PARD3: variants seen among roughly 807,000 people sequenced by gnomAD.
PARD3 encodes the protein par-3 family cell polarity regulator, also known as partitioning defective 3 homolog.
In PARD3, 75 loss-of-function variants were observed where a neutral mutation model predicts 155.4. That is an observed-to-expected ratio of 0.48 (90% CI 0.40 to 0.58). PARD3 has a LOEUF of 0.58. Ranked by LOEUF, PARD3 falls within the 20% of genes least tolerant of loss-of-function variation. The pLI, the probability that PARD3 is intolerant of heterozygous loss-of-function variation, is 0.00. For missense variants in PARD3, 1,642 were observed against 1,721.7 expected (o/e 0.95, Z 0.82); for synonymous variants, 576 against 610.5 (o/e 0.94, Z 0.83).
intron 22 of PARD3, among the ~76,000 whole-genome samples, chr10:34,221,906 T>C (rs1373209424): frequency 6.6e-6 from 1 of 152,244 alleles, no homozygotes; most frequent in Non-Finnish European, 1.5e-5. Context: ...GTCATTTCAG[T>C]GATTCTACAT....
rs116909983 is a variant in PARD3 at position 34,810,105 on chromosome 10, G to T, written c.120+4771C>A. ...GAGCTCAACTTTTTAAAAAATACAG[G>T]TCAAGCATCCCTAATTGAAAAATCC... On this transcript the variant is annotated intron_variant, in intron 1 of 24. Transcript: ENST00000374788. 5.3e-3 allele frequency among the ~76,000 whole-genome samples: 800 copies of T among 152,144 alleles called. 6 individuals carry two copies. The highest frequency in any genetic ancestry group is 9.0e-3 in the Non-Finnish European group (610 of 68,002).
chr10:34,673,984 C>A (rs1224951645), intron 2 of PARD3, among the ~76,000 whole-genome samples: 120 of 117,016 alleles, frequency 1.0e-3, no homozygotes, highest in Middle Eastern at 4.3e-3. Context: ...GAGTCTGCAT[C>A]AAAAAAAAAA....
intron 2 of PARD3, among the ~76,000 whole-genome samples, chr10:34,556,490 C>T (rs1240589593): frequency 6.6e-6 from 1 of 151,690 alleles, no homozygotes; most frequent in African/African-American, 2.4e-5. Flanking sequence ...TCACGCCATT[C>T]TCTCGCCTCA....
intron 2 of PARD3, among the ~76,000 whole-genome samples, chr10:34,695,667 C>G (rs973443970): frequency 2.0e-5 from 3 of 152,060 alleles, no homozygotes; most frequent in Non-Finnish European, 2.9e-5. Flanking sequence ...GGTCCAGGAG[C>G]CAAACTCACA....
chr10:34,635,322 G>A (rs1157655109), intron 2 of PARD3, among the ~76,000 whole-genome samples: 3 of 152,216 alleles, frequency 2.0e-5, no homozygotes, highest in African/African-American at 7.2e-5. Flanking sequence ...GTCAGCTTGT[G>A]GTTACCTGTC....
chr10:34,133,163 G>T (rs553580575), intron 22 of PARD3, among the ~76,000 whole-genome samples: 2 of 152,234 alleles, frequency 1.3e-5, no homozygotes, highest in African/African-American at 4.8e-5. Flanking sequence ...GGGGGCACTG[G>T]GCTGGTTAAC....
intron 22 of PARD3, among the ~76,000 whole-genome samples, chr10:34,144,502 T>C (rs1164441448): frequency 6.6e-6 from 1 of 152,210 alleles, no homozygotes; most frequent in Non-Finnish European, 1.5e-5. Context: ...CTCAATATTA[T>C]TAAATGTAAG....
chr10:34,554,109 TA>T (rs2084806730), intron 2 of PARD3, among the ~76,000 whole-genome samples: 1 of 152,220 alleles, frequency 6.6e-6, no homozygotes, highest in African/African-American at 2.4e-5. Context: ...AAAAACATGT[TA>T]GCAATTAAAA....
chr10:34,473,434 C>G (rs1441661771), intron 3 of PARD3, among the ~76,000 whole-genome samples: 3 of 152,028 alleles, frequency 2.0e-5, no homozygotes, highest in Non-Finnish European at 2.9e-5. Flanking sequence ...CACCTATAAT[C>G]CCAGCACCTT....
chr10:34,805,952 G>A (rs1386037580), intron 1 of PARD3, among the ~76,000 whole-genome samples: 1 of 151,666 alleles, frequency 6.6e-6, no homozygotes, highest in Non-Finnish European at 1.5e-5. Context: ...ACTCCAGCCT[G>A]GGCGACAGAG....
chr10:34,169,637 C>T (rs114333150), intron 22 of PARD3, among the ~76,000 whole-genome samples: 367 of 152,132 alleles, frequency 2.4e-3, no homozygotes, highest in African/African-American at 8.4e-3. Context: ...ATTAAACACA[C>T]GATGGAACAG....
At chr10:34,223,869 A>T (rs1417073950) in intron 22 of PARD3, among the ~76,000 whole-genome samples, 1 of 152,192 alleles carries the variant, frequency 6.6e-6, no homozygotes, top group Non-Finnish European at 1.5e-5. Context: ...CATGTCACAC[A>T]CTCAAGGACA....
intron 5 of PARD3, among the ~76,000 whole-genome samples, chr10:34,421,083 A>T (rs995690184): frequency 6.6e-6 from 1 of 152,130 alleles, no homozygotes; most frequent in Non-Finnish European, 1.5e-5. Flanking sequence ...GCTGAGGTGG[A>T]ACTGCTTGAG....
At chr10:34,744,900 G>A (rs1175430640) in intron 1 of PARD3, among the ~76,000 whole-genome samples, 1 of 152,222 alleles carries the variant, frequency 6.6e-6, no homozygotes, top group Non-Finnish European at 1.5e-5. Context: ...CCAAAGAGCT[G>A]CAGTGGACTG....
intron 2 of PARD3, among the ~76,000 whole-genome samples, chr10:34,649,269 C>T (rs2092936080): frequency 6.6e-6 from 1 of 152,096 alleles, no homozygotes; most frequent in African/African-American, 2.4e-5. Flanking sequence ...CACAGCAAGG[C>T]CTTATCTCCA....
At chr10:34,266,785 G>T (rs1213880087) in intron 22 of PARD3, among the ~76,000 whole-genome samples, 1 of 152,168 alleles carries the variant, frequency 6.6e-6, no homozygotes, top group Non-Finnish European at 1.5e-5. Flanking sequence ...TTAGCACAGT[G>T]CAGGGTACAG....
chr10:34,447,073 C>T (rs532699346), intron 5 of PARD3, among the ~76,000 whole-genome samples: 17 of 152,266 alleles, frequency 1.1e-4, no homozygotes, highest in Non-Finnish European at 2.2e-4. Context: ...TAAACAAACA[C>T]GTGGCTTTTT....
chr10:34,572,743 C>T (rs1232946240), intron 2 of PARD3, among the ~76,000 whole-genome samples: 2 of 151,364 alleles, frequency 1.3e-5, no homozygotes, highest in Admixed American at 6.6e-5. Flanking sequence ...TCAAAACTAA[C>T]GGGGGTTTTG....
At position 34,119,615 on chromosome 10, in the gene PARD3, A is replaced by C. The variant is rs1289256046; in HGVS notation, c.3666T>G (p.Pro1222=). Residue 1222 remains proline, a splice_region_variant and synonymous_variant, in exon 24 of 25, where the codon CCT becomes CCG. Transcript: ENST00000374788. Reference sequence around the variant, plus strand: ...GGCTCGGCCAAGCGTCCTCATACCGAGGCAGAGAGCTGTACTGGCGCTGGG... The same window carrying C: ...GGCTCGGCCAAGCGTCCTCATACCGCGGCAGAGAGCTGTACTGGCGCTGGG... ...QQAQRQYSSL[P]RQSRKNASSV... 2 of 1,599,916 alleles carry C rather than the reference A, an allele frequency of 1.3e-6. No homozygotes were observed. Among genetic ancestry groups the C allele is most frequent in the African/African-American group, 1.3e-5 (1 of 74,578 alleles).
Sources: gnomAD v4.1 joint callset for allele counts (sites outside exome capture counted in the v4.1 genomes callset) on GRCh38, gnomAD v4.1.1 for gene constraint, MANE v1.5 for transcripts, NCBI Gene and HGNC (gene_info 2026-07-23, HGNC 2026-07-21) for gene names.